Variants in SPAM1 observed in about 807,000 individuals in gnomAD.
The protein encoded by SPAM1 is hyaluronidase PH-20.
A neutral mutation model predicts 29.6 loss-of-function variants in SPAM1; 22 were observed. The observed-to-expected ratio is 0.74, with a 90% CI of 0.53 to 1.06. The LOEUF (loss-of-function observed/expected upper bound fraction) is 1.06, where lower values mean the gene tolerates loss of function less well. Ranked by LOEUF, SPAM1 falls within the 50% of genes least tolerant of loss-of-function variation. SPAM1 has a pLI of 0.00. For missense variants in SPAM1, 534 were observed against 604.0 expected, an observed-to-expected ratio of 0.88 and a Z score of 1.21; for synonymous variants, 194 against 204.6, an observed-to-expected ratio of 0.95 and a Z score of 0.44.
intron 4 of SPAM1, among the ~76,000 whole-genome samples, chr7:123,957,530 T>C (rs1454246993): frequency 6.6e-6 from 1 of 151,950 alleles, no homozygotes; most frequent in Non-Finnish European, 1.5e-5. Context: ...AAATATTGGA[T>C]TGTTACGAAG....
chr7:123,935,102 T>C (rs780592200), intron 1 of SPAM1, among the ~76,000 whole-genome samples: 9 of 152,140 alleles, frequency 5.9e-5, no homozygotes, highest in Non-Finnish European at 8.8e-5. Flanking sequence ...ACCCTATAAA[T>C]AGGTAAAATT....
chr7:123,931,810 T>C (rs1808088508), intron 1 of SPAM1, among the ~76,000 whole-genome samples: 2 of 152,140 alleles, frequency 1.3e-5, no homozygotes, highest in South Asian at 4.1e-4. Context: ...TCAAAGAACA[T>C]ATCCTCACTG....
At chr7:123,951,829 T>A (rs528757640) in intron 2 of SPAM1, among the ~76,000 whole-genome samples, 18 of 152,024 alleles carry the variant, frequency 1.2e-4, no homozygotes, top group African/African-American at 4.3e-4. Context: ...ACCACGTTGG[T>A]CAGGCTGGTC....
intron 2 of SPAM1, among the ~76,000 whole-genome samples, chr7:123,951,951 C>T (rs187512066): frequency 9.9e-5 from 15 of 152,200 alleles, no homozygotes; most frequent in African/African-American, 2.4e-4. Flanking sequence ...AAAATGAACA[C>T]GTGGAAATAG....
chr7:123,962,167 T>A (rs1274149390), downstream of SPAM1, among the ~76,000 whole-genome samples: 1 of 151,996 alleles, frequency 6.6e-6, no homozygotes, highest in Non-Finnish European at 1.5e-5. Context: ...TTTTCCCACA[T>A]CCTTGCCAGT....
At chr7:123,946,313 G>A (rs1808574447) in intron 1 of SPAM1, among the ~76,000 whole-genome samples, 1 of 152,068 alleles carries the variant, frequency 6.6e-6, no homozygotes, top group African/African-American at 2.4e-5. Flanking sequence ...CTGGAGGGAG[G>A]GAAGCTTCCA....
intron 1 of SPAM1, among the ~76,000 whole-genome samples, chr7:123,931,245 T>G (rs2117019168): frequency 6.6e-6 from 1 of 152,290 alleles, no homozygotes; most frequent in Non-Finnish European, 1.5e-5. Context: ...AACTAGAATT[T>G]CTTTTCCCCT....
At chr7:123,940,792 C>T (rs1422639274) in intron 1 of SPAM1, among the ~76,000 whole-genome samples, 1 of 152,134 alleles carries the variant, frequency 6.6e-6, no homozygotes, top group Non-Finnish European at 1.5e-5. Context: ...TATGGTGGTG[C>T]TTGAACCTAT....
intron 1 of SPAM1, among the ~76,000 whole-genome samples, chr7:123,941,129 CT>C (rs1223402293): frequency 1.1e-4 from 17 of 152,128 alleles, no homozygotes. Flanking sequence ...TTTGGCTCTT[CT>C]TTTTCTCCCT....
At chr7:123,933,065 T>A (rs35465319) in intron 1 of SPAM1, among the ~76,000 whole-genome samples, 42,390 of 151,142 alleles carry the variant, frequency 0.28, 6,212 homozygotes, top group African/African-American at 0.31. Flanking sequence ...TTTTTTTTTT[T>A]AAATTTACTT....
At chr7:123,928,426 G>A (rs1665213478) in intron 1 of SPAM1, among the ~76,000 whole-genome samples, 1 of 152,118 alleles carries the variant, frequency 6.6e-6, no homozygotes, top group Admixed American at 6.6e-5. Flanking sequence ...ATACTCTATG[G>A]TGGCATTAAA....
intron 1 of SPAM1, among the ~76,000 whole-genome samples, chr7:123,939,085 CT>C (rs67180090): frequency 0.52 from 64,108 of 123,528 alleles, 14,358 homozygotes; most frequent in Admixed American, 0.59. Context: ...ATCTTCAAGT[CT>C]TTTTTTTTTT....
At chr7:123,957,196 A>G (rs952991227) in intron 4 of SPAM1, among the ~76,000 whole-genome samples, 3 of 152,030 alleles carry the variant, frequency 2.0e-5, no homozygotes, top group Non-Finnish European at 2.9e-5. Flanking sequence ...CATATTTGAT[A>G]TGGTAAGTGC....
In SPAM1 at chr7:123,954,009, T is replaced by A; in HGVS notation, c.439T>A (p.Trp147Arg). The A allele has an allele frequency of 6.2e-7, 1 of 1,613,682 alleles. No individual in the cohort carries two copies. Among genetic ancestry groups the A allele is most frequent in the Non-Finnish European group, 8.5e-7 (1 of 1,179,784 alleles). ...CAATTTGGGAATGGCTGTTATTGAC[T>A]GGGAAGAATGGAGACCCACTTGGGC... ...VDNLGMAVID[W>R]EEWRPTWARN... The change falls in exon 3 of 5, where the codon TGG becomes AGG. Residue 147 changes from tryptophan to arginine, a missense_variant. Coordinates refer to ENST00000682466, the MANE Select transcript of SPAM1 (RefSeq NM_153189.3).
downstream of SPAM1, among the ~76,000 whole-genome samples, chr7:123,962,686 A>AT (rs954392395): frequency 1.3e-5 from 2 of 151,436 alleles, no homozygotes; most frequent in Admixed American, 6.6e-5. Context: ...GAGTTGTAAA[A>AT]TTTTTTTTTA....
At position 123,959,934 on chromosome 7, in the gene SPAM1, T is replaced by C. The variant is rs373223242; in HGVS notation, c.1495T>C (p.Leu499=). ...TGCCACAATGTTCATTGTTAGTATT[T>C]TGTTTCTTATCATTTCTTCTGTAGC... The part of the protein sequence containing the change: ...LSATMFIVSI[L]FLIISSVASL The change falls in exon 5 of 5, where the codon TTG becomes CTG. Residue 499 remains leucine (L), a synonymous_variant. Transcript: ENST00000682466. The C allele has an allele frequency of 9.3e-6, 15 of 1,610,572 alleles. No homozygotes were observed. In the African/African-American group the frequency reaches 1.9e-4, roughly 20 times the overall value.
At chr7:123,958,725 A>G (rs1419679839) in intron 4 of SPAM1, among the ~76,000 whole-genome samples, 2 of 151,710 alleles carry the variant, frequency 1.3e-5, no homozygotes, top group Non-Finnish European at 2.9e-5. Context: ...CCAGCTACTC[A>G]GGGGGCCAAG....
At chr7:123,970,592 AAAT>A (rs150055865) in intron 6 of SPAM1, among the ~76,000 whole-genome samples, 1 of 146,228 alleles carries the variant, frequency 6.8e-6, no homozygotes. Flanking sequence ...CCATCTCTAC[AAAT>A]AATAATAATA....
In SPAM1 at chr7:123,954,379, C is replaced by G; in HGVS notation, c.809C>G (p.Ser270Cys). The G allele has an allele frequency of 6.2e-7, 1 of 1,613,430 alleles. No individual in the cohort carries two copies. Among genetic ancestry groups the G allele is most frequent in the South Asian group, 1.1e-5 (1 of 91,062 alleles). Reference sequence around the variant, plus strand: ...TCCATTTATTTGAACACTCAGCAGTCTCCTGTAGCTGCTACACTCTATGTG... The same window carrying G: ...TCCATTTATTTGAACACTCAGCAGTGTCCTGTAGCTGCTACACTCTATGTG... ...YPSIYLNTQQ[S>C]PVAATLYVRN... Residue 270 changes from serine to cysteine, a missense_variant, in exon 3 of 5, where the codon TCT becomes TGT. Physicochemically the swap from Ser to Cys is moderately radical, Grantham distance 112. Coordinates refer to ENST00000682466, the MANE Select transcript of SPAM1 (RefSeq NM_153189.3).
Sources: gnomAD v4.1 joint callset for allele counts (sites outside exome capture counted in the v4.1 genomes callset) on GRCh38, gnomAD v4.1.1 for gene constraint, MANE v1.5 for transcripts, NCBI Gene and HGNC (gene_info 2026-07-23, HGNC 2026-07-21) for gene names.